The following SEMA4F variants were observed in gnomAD, a reference collection of about 807,000 sequenced individuals.
SEMA4F encodes the protein semaphorin-4F.
A neutral mutation model predicts 78.4 loss-of-function variants in SEMA4F; 51 were observed. That is an observed-to-expected ratio of 0.65 (90% CI 0.52 to 0.82). The LOEUF (loss-of-function observed/expected upper bound fraction) is 0.82, where lower values mean the gene tolerates loss of function less well. Ranked by LOEUF, SEMA4F falls within the 40% of genes least tolerant of loss-of-function variation. The pLI is 0.00. For missense variants in SEMA4F, 938 were observed against 1,014.4 expected, an observed-to-expected ratio of 0.92 and a Z score of 1.02; for synonymous variants, 418 against 408.7, an observed-to-expected ratio of 1.02 and a Z score of -0.27.
chr2:74,691,274 A>G, the SEMA4F span, among the ~76,000 whole-genome samples: 1 of 152,254 alleles, frequency 6.6e-6, no homozygotes, highest in African/African-American at 2.4e-5. Context: ...AGTACAAATT[A>G]TGAGAACTGA....
Position 74,682,439 on chromosome 2 carries a change from A to G in SEMA4F, c.*2230A>G, listed in dbSNP as rs951495225. ...TCAAAAAAAAAAAAAAAAGATAACC[A>G]TGACACTCGCAATCATATTAAGCCT... On this transcript the variant is annotated 3_prime_UTR_variant, in exon 14 of 14. Coordinates refer to ENST00000357877, the MANE Select transcript of SEMA4F (RefSeq NM_004263.5). The G allele has an allele frequency of 2.0e-5, 3 of 152,370 alleles. No homozygotes were observed. The highest frequency in any genetic ancestry group is 1.5e-5 in the Non-Finnish European group (1 of 68,432). The allele number at this position is 152,370 out of a possible 1,614,324, so 9.4% of individuals were successfully genotyped here.
chr2:74,667,811 C>T (rs1224173502), intron 5 of SEMA4F, among the ~76,000 whole-genome samples: 1 of 152,140 alleles, frequency 6.6e-6, no homozygotes, highest in East Asian at 1.9e-4. Context: ...TACCTAAGAG[C>T]CTCTTCTCTT....
chr2:74,697,333 G>A, the SEMA4F span, among the ~76,000 whole-genome samples: 1 of 152,216 alleles, frequency 6.6e-6, no homozygotes, highest in African/African-American at 2.4e-5. Context: ...ATCAGTGTCT[G>A]TCACCCCAGA....
intron 13 of SEMA4F, 42 bp downstream of exon 13, chr2:74,679,376 G>A (rs1391876505): frequency 2.0e-6 from 3 of 1,529,212 alleles, no homozygotes; most frequent in South Asian, 1.1e-5. Flanking sequence ...TGGGTGGAGT[G>A]GATGGAAAGG....
chr2:74,689,529 A>G, the SEMA4F span, among the ~76,000 whole-genome samples: 1 of 152,242 alleles, frequency 6.6e-6, no homozygotes, highest in African/African-American at 2.4e-5. Context: ...AAATAGCAGT[A>G]TAAGTGTGCA....
intron 7 of SEMA4F, 55 bp from the exon 8 acceptor site, chr2:74,674,443 T>G (rs1685151696): frequency 6.6e-7 from 1 of 1,524,528 alleles, no homozygotes; most frequent in African/African-American, 1.4e-5. Context: ...GTCTCCATGC[T>G]CCTTGCCCAA....
In SEMA4F at chr2:74,680,860, C is replaced by A. The variant is rs963076994; in HGVS notation, c.*651C>A. 2 of 152,188 alleles carry A rather than the reference C, an allele frequency of 1.3e-5. No individual in the cohort carries two copies. Among genetic ancestry groups the A allele is most frequent in the African/African-American group, 4.8e-5 (2 of 41,420 alleles). 9.4% of individuals were successfully genotyped at this position (152,188 alleles called of 1,614,324 possible). The stretch of plus-strand genomic sequence containing the variant: ...ACAATTGGAATGGGGGCGTTGCCTG[C>A]AGAACTTTAGACCCTGTAGCCATAG... On this transcript the variant is annotated 3_prime_UTR_variant, in exon 14 of 14. Coordinates refer to ENST00000357877, the MANE Select transcript of SEMA4F (RefSeq NM_004263.5).
At chr2:74,655,331 G>A (rs1179056277) in intron 1 of SEMA4F, 1 of 397,824 alleles carries the variant, frequency 2.5e-6, no homozygotes, top group African/African-American at 2.1e-5. Context: ...GAAGCTAGGA[G>A]ACGTCACAAG....
intron 5 of SEMA4F, among the ~76,000 whole-genome samples, chr2:74,672,506 A>G (rs1394518543): frequency 6.6e-6 from 1 of 151,732 alleles, no homozygotes; most frequent in Non-Finnish European, 1.5e-5. Flanking sequence ...AAGGCATGCA[A>G]CCTTGTTCTC....
At chr2:74,657,451 G>C in intron 2 of SEMA4F, 114 bp from the exon 3 acceptor site, 1 of 883,802 alleles carries the variant, frequency 1.1e-6, no homozygotes, top group Non-Finnish European at 1.9e-6. Context: ...GCTCTAGGGG[G>C]ACTTTTGAAG....
Position 74,675,592 on chromosome 2 carries a change from A to G in SEMA4F, c.1440A>G (p.Leu480=). ...AQLSVLEDLA[L]FPEPQPVENM... The stretch of plus-strand genomic sequence containing the variant: ...TCAGCGTTCTTGAAGATCTGGCCTT[A>G]TTCCCAGAGCCACAGCCAGTTGAGA... Residue 480 remains leucine, a synonymous_variant, in exon 11 of 14, where the codon TTA becomes TTG. Transcript: ENST00000357877. The G allele has an allele frequency of 6.2e-7, 1 of 1,614,180 alleles. No individual in the cohort carries two copies. The highest frequency in any genetic ancestry group is 8.5e-7 in the Non-Finnish European group (1 of 1,180,022).
downstream of SEMA4F, among the ~76,000 whole-genome samples, chr2:74,685,564 T>G (rs1301914519): frequency 2.0e-5 from 3 of 152,102 alleles, no homozygotes; most frequent in African/African-American, 7.2e-5. Context: ...TTGGCTCAGC[T>G]TAGATCACAT....
chr2:74,664,592 T>C (rs1256970086), intron 5 of SEMA4F, among the ~76,000 whole-genome samples: 1 of 152,194 alleles, frequency 6.6e-6, no homozygotes, highest in Admixed American at 6.5e-5. Flanking sequence ...AAATCAGCAG[T>C]GAATGAGAGT....
chr2:74,688,641 A>G (rs1685865699), downstream of SEMA4F, among the ~76,000 whole-genome samples: 1 of 152,232 alleles, frequency 6.6e-6, no homozygotes, highest in Non-Finnish European at 1.5e-5. Context: ...CAGAAATCTA[A>G]CATTTGTATA....
In SEMA4F at chr2:74,680,029, C is replaced by T. The variant is rs1264180828; in HGVS notation, c.2133C>T (p.Ser711=). The part of the protein sequence containing the change: ...DLGAPPSGTT[S]YSQDPPSPSP... ...GGGCTCCACCTTCTGGGACCACAAG[C>T]TACAGCCAAGACCCTCCCTCCCCCT... Residue 711 remains serine (S), a synonymous_variant, in exon 14 of 14, where the codon AGC becomes AGT. Transcript: ENST00000357877. 4.3e-6 allele frequency: 7 copies of T among 1,614,208 alleles called. No individual in the cohort carries two copies. Among genetic ancestry groups the T allele is most frequent in the South Asian group, 1.1e-5 (1 of 91,090 alleles).
At chr2:74,666,370 A>G (rs1443636574) in intron 5 of SEMA4F, among the ~76,000 whole-genome samples, 3 of 152,180 alleles carry the variant, frequency 2.0e-5, no homozygotes, top group Non-Finnish European at 4.4e-5. Flanking sequence ...AAAGATCATT[A>G]TAAGACAAAG....
chr2:74,690,708 C>T, the SEMA4F span, among the ~76,000 whole-genome samples: 1 of 152,132 alleles, frequency 6.6e-6, no homozygotes, highest in Non-Finnish European at 1.5e-5. Flanking sequence ...TAACATTGAA[C>T]ACAAGTTTGA....
intron 5 of SEMA4F, among the ~76,000 whole-genome samples, chr2:74,666,008 A>G (rs1264460736): frequency 6.6e-6 from 1 of 151,996 alleles, no homozygotes; most frequent in Non-Finnish European, 1.5e-5. Context: ...CACAGGTTCA[A>G]GTGATTGTCC....
intron 5 of SEMA4F, among the ~76,000 whole-genome samples, chr2:74,666,528 T>A (rs1324970074): frequency 6.6e-6 from 1 of 152,180 alleles, no homozygotes. Flanking sequence ...GTGGAAACTC[T>A]ATGTCTCTAG....
Sources: gnomAD v4.1 joint callset for allele counts (sites outside exome capture counted in the v4.1 genomes callset) on GRCh38, gnomAD v4.1.1 for gene constraint, MANE v1.5 for transcripts, NCBI Gene and HGNC (gene_info 2026-07-23, HGNC 2026-07-21) for gene names.